Variants in FER1L6 observed in about 807,000 individuals in gnomAD.
FER1L6 encodes the protein fer-1 like family member 6.
A neutral mutation model predicts 219.2 loss-of-function variants in FER1L6; 177 were observed. The observed-to-expected ratio is 0.81, with a 90% confidence interval of 0.71 to 0.91. FER1L6 has a LOEUF of 0.91. FER1L6 is among the 40% of genes least tolerant of loss of function. The pLI is 0.00. For synonymous variants in FER1L6, 768 were observed against 824.3 expected, an observed-to-expected ratio of 0.93 and a Z score of 1.17; for missense variants, 2,153 against 2,259.9, an observed-to-expected ratio of 0.95 and a Z score of 0.96.
In FER1L6 at chr8:123,986,100, C is replaced by G; in HGVS notation, c.1443C>G (p.Leu481=). ...IVPEKNEEFL[L]FGAFFEATMI... Reference sequence around the variant, plus strand: ...CAGAAAAAAATGAGGAATTTTTACTCTTTGGAGCATTTTTTGAAGCTACCA... The same window carrying G: ...CAGAAAAAAATGAGGAATTTTTACTGTTTGGAGCATTTTTTGAAGCTACCA... The change falls in exon 12 of 41, where the codon CTC becomes CTG. Residue 481 remains leucine (L), a synonymous_variant. Transcript: ENST00000522917. The G allele has an allele frequency of 6.2e-7, 1 of 1,613,242 alleles. No homozygotes were observed. Among genetic ancestry groups the G allele is most frequent in the Non-Finnish European group, 8.5e-7 (1 of 1,179,282 alleles).
At chr8:123,859,768 G>A (rs1816712230) in intron 1 of FER1L6, among the ~76,000 whole-genome samples, 1 of 124,340 alleles carries the variant, frequency 8.0e-6, no homozygotes, top group African/African-American at 3.1e-5. Context: ...TGATCTCATT[G>A]TTCAATTCCC....
chr8:124,095,165 G>C (rs984587340), intron 35 of FER1L6, 127 bp downstream of exon 35: 1 of 1,285,160 alleles, frequency 7.8e-7, no homozygotes, highest in Admixed American at 2.3e-5. Flanking sequence ...ATTTTGTGTT[G>C]TCACAAGTAG....
intron 22 of FER1L6, chr8:124,058,838 C>T (rs893065417): frequency 4.6e-5 from 7 of 152,242 alleles, no homozygotes; most frequent in Non-Finnish European, 8.8e-5. Flanking sequence ...TATTTACCAG[C>T]TTCTTGATCT....
At position 124,061,414 on chromosome 8, in the gene FER1L6, C is replaced by T. The variant is rs145720322; in HGVS notation, c.3148-438C>T. ...GTGTTTGCAAACCTTTTGTATCAGG[C>T]TGCATTGAGTCTCGGGGGCCACCAG... On this transcript the variant is annotated intron_variant, in intron 24 of 40. Transcript: ENST00000522917. Among the ~76,000 whole-genome samples the T allele has an allele frequency of 1.4e-3, 220 of 152,170 alleles. 1 individual carries two copies. Among genetic ancestry groups the T allele is most frequent in the African/African-American group, 5.0e-3 (206 of 41,506 alleles).
chr8:123,881,905 A>G (rs551973449), intron 1 of FER1L6, among the ~76,000 whole-genome samples: 4 of 152,298 alleles, frequency 2.6e-5, no homozygotes, highest in African/African-American at 9.6e-5. Flanking sequence ...GCTGCTAAGA[A>G]TTTAGGGGCT....
chr8:123,911,640 A>C (rs1327035400), intron 1 of FER1L6, among the ~76,000 whole-genome samples: 3 of 152,090 alleles, frequency 2.0e-5, no homozygotes, highest in Non-Finnish European at 4.4e-5. Flanking sequence ...GAAACACAGG[A>C]GCTGCAATGA....
chr8:124,048,371 C>T (rs1010612025), intron 21 of FER1L6, among the ~76,000 whole-genome samples: 1 of 152,226 alleles, frequency 6.6e-6, no homozygotes, highest in African/African-American at 2.4e-5. Flanking sequence ...GTGAATAGTG[C>T]AGGCAACTCT....
chr8:123,885,417 G>A (rs1158552471), intron 1 of FER1L6, among the ~76,000 whole-genome samples: 2 of 152,140 alleles, frequency 1.3e-5, no homozygotes, highest in South Asian at 4.1e-4. Flanking sequence ...CTTCAGAAAT[G>A]CATTTGACCA....
intron 1 of FER1L6, chr8:123,939,187 C>T: frequency 1.0e-6 from 1 of 985,350 alleles, no homozygotes; most frequent in Non-Finnish European, 1.2e-6. Context: ...TTCCAGTCTC[C>T]ACTGAGGTGA....
chr8:124,000,505 G>A (rs542022554), intron 12 of FER1L6, among the ~76,000 whole-genome samples: 1 of 152,304 alleles, frequency 6.6e-6, no homozygotes, highest in South Asian at 2.1e-4. Flanking sequence ...GATTAAGACT[G>A]TAGGTTTAGA....
rs184612986 is a variant in FER1L6 at position 123,962,260 on chromosome 8, C to T, written c.77-1018C>T. 1.0e-3 allele frequency among the ~76,000 whole-genome samples: 156 copies of T among 152,262 alleles called. 1 individual carries two copies. Among genetic ancestry groups the T allele is most frequent in the African/African-American group, 3.6e-3 (148 of 41,532 alleles). The stretch of plus-strand genomic sequence containing the variant: ...TGTCTAATTAAAGCTGTAGTTATAG[C>T]TTGTAGAACAGGGGCTGGGAGTCAG... On this transcript the variant is annotated intron_variant, in intron 2 of 40. Transcript: ENST00000522917.
chr8:124,056,069 G>A (rs1820282543), intron 22 of FER1L6, among the ~76,000 whole-genome samples: 1 of 151,978 alleles, frequency 6.6e-6, no homozygotes, highest in South Asian at 2.1e-4. Flanking sequence ...AATACATGGG[G>A]CCCACCCAGA....
At chr8:124,038,641 T>A (rs1048632899) in intron 19 of FER1L6, among the ~76,000 whole-genome samples, 2 of 152,106 alleles carry the variant, frequency 1.3e-5, no homozygotes, top group Non-Finnish European at 2.9e-5. Context: ...AATAACCCTA[T>A]GAGGAACTAT....
chr8:123,874,155 G>T (rs567106606), intron 1 of FER1L6, among the ~76,000 whole-genome samples: 1 of 152,202 alleles, frequency 6.6e-6, no homozygotes, highest in Non-Finnish European at 1.5e-5. Flanking sequence ...ATGCCACCAT[G>T]TTGACTGGTT....
intron 18 of FER1L6, among the ~76,000 whole-genome samples, chr8:124,033,331 T>G (rs1819052903): frequency 6.6e-6 from 1 of 152,204 alleles, no homozygotes; most frequent in South Asian, 2.1e-4. Flanking sequence ...AAAATAATCT[T>G]AGGCTTTCAA....
Position 124,064,513 on chromosome 8 carries a change from G to A in FER1L6, c.3495G>A (p.Pro1165=), listed in dbSNP as rs1240731183. The change falls in exon 26 of 41, where the codon CCG becomes CCA. Residue 1165 remains proline, a synonymous_variant. Transcript: ENST00000522917. The part of the protein sequence containing the change: ...AILVDVPDSS[P]MLEPEHTPVA... ...TGGTTGACGTCCCTGACTCATCCCC[G>A]ATGCTGGAGCCTGAACACACACCTG... The A allele has an allele frequency of 1.3e-5, 21 of 1,613,784 alleles. No homozygotes were observed. The highest frequency in any genetic ancestry group is 1.6e-4 in the Middle Eastern group (1 of 6,080).
At chr8:124,056,075 C>T (rs1280430925) in intron 22 of FER1L6, among the ~76,000 whole-genome samples, 1 of 152,184 alleles carries the variant, frequency 6.6e-6, no homozygotes, top group Non-Finnish European at 1.5e-5. Context: ...TGGGGCCCAC[C>T]CAGATAAACC....
chr8:123,866,725 C>T (rs1816844074), intron 1 of FER1L6, among the ~76,000 whole-genome samples: 1 of 152,262 alleles, frequency 6.6e-6, no homozygotes, highest in Middle Eastern at 3.4e-3. Context: ...TCAAGCGATC[C>T]TCCTGCCTCA....
intron 1 of FER1L6, among the ~76,000 whole-genome samples, chr8:123,946,831 T>C (rs1032094341): frequency 1.3e-5 from 2 of 152,166 alleles, no homozygotes; most frequent in African/African-American, 4.8e-5. Flanking sequence ...TCGATTTTTT[T>C]TCTCTAGTCA....
Sources: allele counts gnomAD v4.1 joint callset (sites outside exome capture counted in the v4.1 genomes callset), GRCh38; gene constraint gnomAD v4.1.1; transcripts MANE v1.5; gene names NCBI Gene and HGNC (gene_info 2026-07-23, HGNC 2026-07-21).